Variants in PKHD1 observed in about 807,000 individuals in gnomAD.
The protein encoded by PKHD1 is PKHD1 ciliary IPT domain containing fibrocystin/polyductin.
PKHD1 carries 291 observed loss-of-function variants against 412.0 expected under a neutral mutation model. That is an observed-to-expected ratio of 0.71 (90% CI 0.64 to 0.78). The LOEUF (loss-of-function observed/expected upper bound fraction) is 0.78. PKHD1 is among the 30% of genes least tolerant of loss of function. The pLI is 0.00. For synonymous variants in PKHD1, 1,777 were observed against 1,821.5 expected (o/e 0.98, Z 0.62); for missense variants, 4,825 against 4,950.7 (o/e 0.97, Z 0.76).
chr6:52,072,491 T>C (rs1470007455), intron 7 of PKHD1, among the ~76,000 whole-genome samples: 2 of 152,198 alleles, frequency 1.3e-5, no homozygotes, highest in African/African-American at 4.8e-5. Flanking sequence ...TATGCCTTTA[T>C]TCCCCCTTTC....
intron 60 of PKHD1, among the ~76,000 whole-genome samples, chr6:51,714,726 TAC>T (rs1245803642): frequency 1.3e-5 from 2 of 152,164 alleles, no homozygotes; most frequent in Non-Finnish European, 2.9e-5. Context: ...TGTAAAAAGA[TAC>T]ACAGGCAGAG....
At chr6:51,796,497 T>C (rs1794626664) in intron 52 of PKHD1, among the ~76,000 whole-genome samples, 1 of 152,118 alleles carries the variant, frequency 6.6e-6, no homozygotes, top group Non-Finnish European at 1.5e-5. Context: ...TCTATGTCCT[T>C]CAGTTCAGCT....
chr6:51,653,756 T>G (rs1429575131), intron 61 of PKHD1, among the ~76,000 whole-genome samples: 1 of 152,092 alleles, frequency 6.6e-6, no homozygotes, highest in African/African-American at 2.4e-5. Context: ...TAAGTAAGCC[T>G]AGGTGGGTTT....
intron 60 of PKHD1, among the ~76,000 whole-genome samples, chr6:51,736,373 G>A (rs547127244): frequency 2.0e-5 from 3 of 152,266 alleles, no homozygotes; most frequent in African/African-American, 7.2e-5. Context: ...TGGAGACCAG[G>A]CAAGTCATGA....
chr6:51,724,879 A>T (rs1419553230), intron 60 of PKHD1, among the ~76,000 whole-genome samples: 2 of 152,236 alleles, frequency 1.3e-5, no homozygotes, highest in African/African-American at 4.8e-5. Context: ...AAAGTGATGC[A>T]GTGACCATGC....
intron 48 of PKHD1, among the ~76,000 whole-genome samples, chr6:51,858,791 C>A (rs1773713382): frequency 6.6e-6 from 1 of 152,130 alleles, no homozygotes; most frequent in South Asian, 2.1e-4. Context: ...CAGAACACTC[C>A]AGCTGGTTAT....
chr6:52,059,849 G>C (rs979551781), intron 15 of PKHD1, 79 bp downstream of exon 15: 2 of 780,354 alleles, frequency 2.6e-6, no homozygotes, highest in Admixed American at 1.7e-5. Context: ...AAACATGAGA[G>C]CCTTAACTTT....
chr6:51,619,283 C>A lies in PKHD1; in HGVS notation c.12023G>T (p.Arg4008Ile), dbSNP rs370276337. 1.9e-6 allele frequency: 3 copies of A among 1,614,150 alleles called. No homozygotes were observed. Among genetic ancestry groups the A allele is most frequent in the Non-Finnish European group, 2.5e-6 (3 of 1,180,056 alleles). ...CTGATTTTGGCCTGCCAGCTGGTAT[C>A]TGAGCAACTGCTCTTGGCCCTCCTT... The part of the protein sequence containing the change: ...NWKEGQEQLL[R>I]YQLAGQNQLL... The change falls in exon 67 of 67, where the codon AGA becomes ATA. Residue 4008 changes from arginine (R) to isoleucine (I), a missense_variant. Arg to Ile is a moderately conservative substitution (Grantham distance 97). Coordinates refer to ENST00000371117, the MANE Select transcript of PKHD1 (RefSeq NM_138694.4).
chr6:51,798,886 C>T (rs1337113840), intron 52 of PKHD1, among the ~76,000 whole-genome samples: 6 of 152,152 alleles, frequency 3.9e-5, no homozygotes, highest in East Asian at 1.9e-4. Flanking sequence ...AGAGTACTCA[C>T]ACATACACAT....
rs76895755 is a variant in PKHD1 at position 51,883,145 on chromosome 6, T to A, written c.7298A>T (p.Asp2433Val). ...RDFGIDVLES[D>V]ANTSVTDSLL... ...GCTGTCAGTAACTGAAGTATTTGCATCACTTTCCAAGACGTCAATTCCAAA... is the reference window on the plus strand; with the variant it reads ...GCTGTCAGTAACTGAAGTATTTGCAACACTTTCCAAGACGTCAATTCCAAA... Residue 2433 changes from aspartate to valine, a missense_variant, in exon 46 of 67, where the codon GAT (aspartate) becomes GTT (valine). Asp to Val is a radical substitution (Grantham distance 152). Coordinates refer to ENST00000371117, the MANE Select transcript of PKHD1 (RefSeq NM_138694.4). The A allele has an allele frequency of 1.9e-3, 3,107 of 1,612,624 alleles. 57 individuals are homozygous for A. The African/African-American group carries it at 0.035, about 18-fold the overall frequency.
intron 36 of PKHD1, among the ~76,000 whole-genome samples, chr6:51,942,913 T>C (rs1788805493): frequency 6.6e-6 from 1 of 151,634 alleles, no homozygotes; most frequent in African/African-American, 2.4e-5. Flanking sequence ...CTCGGGGATT[T>C]GCCCCTGCCC....
At chr6:51,968,567 G>A (rs1430839837) in intron 35 of PKHD1, among the ~76,000 whole-genome samples, 1 of 152,138 alleles carries the variant, frequency 6.6e-6, no homozygotes, top group African/African-American at 2.4e-5. Context: ...ACATGTCCCA[G>A]CTTTAATACT....
intron 63 of PKHD1, among the ~76,000 whole-genome samples, chr6:51,644,050 A>G (rs567568892): frequency 1.3e-5 from 2 of 152,190 alleles, no homozygotes; most frequent in Non-Finnish European, 2.9e-5. Context: ...AAGCTTTAAA[A>G]AGTAAGGGTT....
At chr6:51,954,918 C>T (rs1270371826) in intron 36 of PKHD1, among the ~76,000 whole-genome samples, 1 of 151,996 alleles carries the variant, frequency 6.6e-6, no homozygotes, top group Non-Finnish European at 1.5e-5. Context: ...ATGAATGTTT[C>T]CCCAACTACA....
chr6:52,015,995 C>T (rs1457990662), intron 34 of PKHD1, among the ~76,000 whole-genome samples: 2 of 152,052 alleles, frequency 1.3e-5, no homozygotes, highest in African/African-American at 2.4e-5. Flanking sequence ...GGAAGAACCC[C>T]AAAGAAGAGT....
At chr6:52,054,653 A>G (rs762284566) in intron 19 of PKHD1, among the ~76,000 whole-genome samples, 7 of 152,170 alleles carry the variant, frequency 4.6e-5, no homozygotes, top group Non-Finnish European at 7.3e-5. Context: ...GGCACTATCA[A>G]TATTCTAGGG....
intron 60 of PKHD1, among the ~76,000 whole-genome samples, chr6:51,731,219 GA>G (rs1364374559): frequency 6.6e-6 from 1 of 151,148 alleles, no homozygotes; most frequent in Middle Eastern, 3.4e-3. Flanking sequence ...AATAATATGG[GA>G]AAAAAAGAGA....
At chr6:52,044,841 C>T (rs1428870890) in intron 25 of PKHD1, 125 bp downstream of exon 25, 5 of 1,007,172 alleles carry the variant, frequency 5.0e-6, no homozygotes, top group African/African-American at 4.7e-5. Context: ...CATAAGTACC[C>T]CTGTTTTACA....
At chr6:51,666,551 T>TA (rs59026493) in intron 60 of PKHD1, among the ~76,000 whole-genome samples, 34 of 151,898 alleles carry the variant, frequency 2.2e-4, no homozygotes, top group Non-Finnish European at 4.0e-4. Flanking sequence ...AATTTTTTTT[T>TA]AAATTTATTA....
Sources: allele counts gnomAD v4.1 joint callset (sites outside exome capture counted in the v4.1 genomes callset), GRCh38; gene constraint gnomAD v4.1.1; transcripts MANE v1.5; gene names NCBI Gene and HGNC (gene_info 2026-07-23, HGNC 2026-07-21).